The following SLC9A2 variants were observed in gnomAD, a reference collection of about 807,000 sequenced individuals.
SLC9A2 encodes the protein solute carrier family 9 member A2, also known as sodium/hydrogen exchanger 2.
In SLC9A2, 42 loss-of-function variants were observed where a neutral mutation model predicts 71.7. The observed-to-expected ratio is 0.59, with a 90% CI of 0.46 to 0.76. SLC9A2 has a LOEUF of 0.76. SLC9A2 is among the 30% of genes least tolerant of loss of function. The pLI is 0.00. For missense variants in SLC9A2, 829 were observed against 1,017.4 expected (o/e 0.81, Z 2.52); for synonymous variants, 396 against 392.5 (o/e 1.01, Z -0.10).
chr2:102,630,303 AC>A (rs1676332951), intron 1 of SLC9A2, among the ~76,000 whole-genome samples: 4 of 151,982 alleles, frequency 2.6e-5, no homozygotes, highest in Admixed American at 2.6e-4. Flanking sequence ...TTGTATGGAA[AC>A]ATCTTTATTT....
intron 1 of SLC9A2, among the ~76,000 whole-genome samples, chr2:102,639,673 G>A (rs1452826200): frequency 6.6e-6 from 1 of 151,756 alleles, no homozygotes; most frequent in Non-Finnish European, 1.5e-5. Flanking sequence ...TTCACAAACT[G>A]AAAATTTGTG....
At chr2:102,634,614 G>A (rs756989220) in intron 1 of SLC9A2, among the ~76,000 whole-genome samples, 27 of 152,120 alleles carry the variant, frequency 1.8e-4, no homozygotes, top group African/African-American at 3.9e-4. Context: ...GTTGTTAGAC[G>A]TCCTGATCTT....
intron 1 of SLC9A2, among the ~76,000 whole-genome samples, chr2:102,638,141 G>A (rs184270636): frequency 3.5e-4 from 54 of 152,290 alleles, no homozygotes; most frequent in Middle Eastern, 6.8e-3. Flanking sequence ...CAAAATAGGC[G>A]TGAAGGCCAT....
At chr2:102,630,657 C>T (rs1331385079) in intron 1 of SLC9A2, among the ~76,000 whole-genome samples, 2 of 151,766 alleles carry the variant, frequency 1.3e-5, no homozygotes, top group Non-Finnish European at 2.9e-5. Context: ...TTTTTTCCAG[C>T]TTACCATATT....
chr2:102,637,478 G>T (rs1470570885), intron 1 of SLC9A2, among the ~76,000 whole-genome samples: 1 of 152,206 alleles, frequency 6.6e-6, no homozygotes, highest in African/African-American at 2.4e-5. Context: ...AGTGGGTGTG[G>T]TGTGGGTTAC....
intron 1 of SLC9A2, among the ~76,000 whole-genome samples, chr2:102,631,519 A>T (rs758013429): frequency 1.3e-5 from 2 of 151,678 alleles, no homozygotes; most frequent in Non-Finnish European, 1.5e-5. Context: ...TGATTTCCTT[A>T]TTTTTTGCCT....
chr2:102,636,008 C>T (rs4851621), intron 1 of SLC9A2, among the ~76,000 whole-genome samples: 61,627 of 151,746 alleles, frequency 0.41, 13,585 homozygotes, highest in East Asian at 0.68. Flanking sequence ...GTATAATTGG[C>T]AAGACTCTAG....
rs767083036 is a variant in SLC9A2, at chr2:102,619,990, A to G, written c.142A>G (p.Ser48Gly). 30 of 1,613,836 alleles carry G rather than the reference A, an allele frequency of 1.9e-5. No individual in the cohort carries two copies. The South Asian group carries it at 3.2e-4, about 17-fold the overall frequency. Residue 48 changes from serine (S) to glycine (G), a missense_variant, in exon 1 of 12, where the codon AGC becomes GGC. Physicochemically the swap from Ser to Gly is moderately conservative, Grantham distance 56. This residue lies in a region of SLC9A2 where 106 missense variants were observed against 93.5 expected (regional missense o/e 1.13). Transcript: ENST00000233969. This position sits in a 1 kb window ranked among gnomAD's most constrained non-coding sequence, Gnocchi z 4.3. ...GCCGAGGGCCATGGGCACCAGTTCC[A>G]GCCCGCCTAGCCCTGCGAGCGTGGT... is the stretch of plus-strand genomic sequence containing the variant. ...NAPRAMGTSS[S>G]PPSPASVVAP...
At chr2:102,657,330 C>T (rs1019053565) in intron 1 of SLC9A2, among the ~76,000 whole-genome samples, 2 of 151,982 alleles carry the variant, frequency 1.3e-5, no homozygotes, top group African/African-American at 4.8e-5. Context: ...TAATGTGTAC[C>T]TATAGCACTC....
In SLC9A2 at chr2:102,705,913, A is replaced by G. The variant is rs1166986063; in HGVS notation, c.2045A>G (p.Lys682Arg). ...ACGAAGCTTCCAGAAAAGCTACAAA[A>G]GAGGAGGACTATTTCTATTGCAGGT... ...KNTKLPEKLQ[K>R]RRTISIADGN... is the part of the protein sequence containing the mutation. The change falls in exon 11 of 12, where the codon AAG becomes AGG. Residue 682 changes from lysine to arginine, a missense_variant. Physicochemically the swap from Lys to Arg is conservative, Grantham distance 26. Coordinates refer to ENST00000233969, the MANE Select transcript of SLC9A2 (RefSeq NM_003048.6). 2.5e-6 allele frequency: 4 copies of G among 1,604,186 alleles called. No homozygotes were observed. The East Asian group carries it at 9.0e-5, about 36-fold the overall frequency.
chr2:102,702,544 C>A, intron 9 of SLC9A2, 42 bp downstream of exon 9: 1 of 1,187,490 alleles, frequency 8.4e-7, no homozygotes, highest in Non-Finnish European at 1.2e-6. Flanking sequence ...TTACCTTTGG[C>A]TAACAGGATG....
At chr2:102,641,525 C>T (rs186776557) in intron 1 of SLC9A2, among the ~76,000 whole-genome samples, 1 of 151,904 alleles carries the variant, frequency 6.6e-6, no homozygotes, top group African/African-American at 2.4e-5. Flanking sequence ...ATTCCAACTC[C>T]TGTTCACTTC....
chr2:102,666,570 T>C (rs545073047), intron 3 of SLC9A2, among the ~76,000 whole-genome samples: 2 of 152,328 alleles, frequency 1.3e-5, no homozygotes, highest in South Asian at 2.1e-4. Flanking sequence ...ACTAAAGATA[T>C]GGTTAGTGTC....
chr2:102,647,215 G>A (rs1676745155), intron 1 of SLC9A2, among the ~76,000 whole-genome samples: 1 of 152,084 alleles, frequency 6.6e-6, no homozygotes, highest in Admixed American at 6.6e-5. Context: ...AATGACTGCT[G>A]TGTAAAAAAC....
At chr2:102,700,129 C>T (rs772748972) in intron 7 of SLC9A2, among the ~76,000 whole-genome samples, 16 of 152,086 alleles carry the variant, frequency 1.1e-4, no homozygotes, top group South Asian at 2.1e-4. Context: ...GTGGAGTCAT[C>T]GTTTGCTGAG....
At chr2:102,659,328 CTACT>C (rs1677008199) in intron 2 of SLC9A2, among the ~76,000 whole-genome samples, 3 of 151,472 alleles carry the variant, frequency 2.0e-5, no homozygotes, top group Non-Finnish European at 4.4e-5. Flanking sequence ...GTTATCCCAG[CTACT>C]TGGGAGGCTG....
chr2:102,632,053 TATATATACACACAC>T lies in SLC9A2; in HGVS notation c.289+11924_289+11937del, dbSNP rs1356260194. 2.9e-3 allele frequency among the ~76,000 whole-genome samples: 380 copies of T among 130,288 alleles called. 4 individuals carry two copies. The highest frequency in any genetic ancestry group is 8.5e-3 in the African/African-American group (294 of 34,444). The allele number at this position is 130,288 out of a possible 152,430, so 85.5% of individuals were successfully genotyped here. A position where few individuals can be genotyped will look rare whatever the true frequency, so the allele number is the denominator to read the frequency against. ...ATATATATATACATACACACACACATATATATACACACACATATATATACACACATATATATACA... is the reference window on the plus strand; with the variant it reads ...ATATATATATACATACACACACACATATATATATACACACATATATATACA... On this transcript the variant is annotated intron_variant, in intron 1 of 11. Transcript: ENST00000233969.
At chr2:102,622,092 T>TA (rs1676150743) in intron 1 of SLC9A2, among the ~76,000 whole-genome samples, 1 of 152,214 alleles carries the variant, frequency 6.6e-6, no homozygotes, top group African/African-American at 2.4e-5. Context: ...GTGGTGCTAC[T>TA]AGTTGAGTGT....
chr2:102,708,567 G>A lies in SLC9A2; in HGVS notation c.*78G>A. The A allele has an allele frequency of 6.7e-7, 1 of 1,492,846 alleles. No individual in the cohort carries two copies. Among genetic ancestry groups the A allele is most frequent in the African/African-American group, 1.4e-5 (1 of 71,628 alleles). 92.5% of individuals were successfully genotyped at this position (1,492,846 alleles called of 1,614,324 possible). On this transcript the variant is annotated 3_prime_UTR_variant, in exon 12 of 12. Coordinates refer to ENST00000233969, the MANE Select transcript of SLC9A2 (RefSeq NM_003048.6). ...TCACTCTGAAACCTGATGCAACAGTGGAATCCATGTAAAACTCTCTGTGCA... is the reference window on the plus strand; with the variant it reads ...TCACTCTGAAACCTGATGCAACAGTAGAATCCATGTAAAACTCTCTGTGCA...
Sources: allele counts gnomAD v4.1 joint callset (sites outside exome capture counted in the v4.1 genomes callset), GRCh38; gene constraint gnomAD v4.1.1; regional missense constraint gnomAD v4.1.1; non-coding constraint Gnocchi (gnomAD v3.1); transcripts MANE v1.5; gene names NCBI Gene and HGNC (gene_info 2026-07-23, HGNC 2026-07-21).